MICU1: variants seen among roughly 807,000 people sequenced by gnomAD.
The protein encoded by MICU1 is mitochondrial calcium uptake 1.
A neutral mutation model predicts 56.8 loss-of-function variants in MICU1; 45 were observed. The observed-to-expected ratio is 0.79, with a 90% CI of 0.62 to 1.02. The LOEUF is 1.02. MICU1 is among the 50% of genes least tolerant of loss of function. MICU1 has a pLI of 0.00. For synonymous variants in MICU1, 186 were observed against 195.1 expected (o/e 0.95, Z 0.39); for missense variants, 504 against 587.1 (o/e 0.86, Z 1.46).
At chr10:72,596,255 G>T (rs898569891) in intron 1 of MICU1, among the ~76,000 whole-genome samples, 2 of 152,128 alleles carry the variant, frequency 1.3e-5, no homozygotes, top group Non-Finnish European at 2.9e-5. Context: ...GATTACAGGC[G>T]TGAGCCACTG....
chr10:72,607,176 T>G (rs1403519423), intron 1 of MICU1, among the ~76,000 whole-genome samples: 1 of 146,712 alleles, frequency 6.8e-6, no homozygotes, highest in Non-Finnish European at 1.5e-5. Flanking sequence ...CCCTGTCTCT[T>G]CTAAAAATAC....
intron 5 of MICU1, among the ~76,000 whole-genome samples, chr10:72,512,272 G>A (rs1867494106): frequency 6.6e-6 from 1 of 151,688 alleles, no homozygotes. Flanking sequence ...CACCACGTCT[G>A]GCTAATTTTT....
intron 6 of MICU1, among the ~76,000 whole-genome samples, chr10:72,493,893 G>T (rs1258887389): frequency 1.3e-5 from 2 of 152,156 alleles, no homozygotes; most frequent in Admixed American, 6.6e-5. Flanking sequence ...CGCTGAAAAG[G>T]TTTTGCCAAT....
chr10:72,429,441 A>T (rs1864455632), intron 8 of MICU1, among the ~76,000 whole-genome samples: 1 of 151,920 alleles, frequency 6.6e-6, no homozygotes, highest in East Asian at 1.9e-4. Flanking sequence ...AAAAAGAAAA[A>T]AAATTCAATA....
intron 8 of MICU1, among the ~76,000 whole-genome samples, chr10:72,458,066 C>G (rs556107272): frequency 6.6e-6 from 1 of 151,670 alleles, no homozygotes; most frequent in East Asian, 1.9e-4. Context: ...ACTCAGGAGG[C>G]TGAGGCAGGA....
intron 9 of MICU1, among the ~76,000 whole-genome samples, chr10:72,409,710 A>G (rs1255160679): frequency 6.6e-6 from 1 of 152,122 alleles, no homozygotes; most frequent in East Asian, 1.9e-4. Flanking sequence ...ACACAACAAA[A>G]AAGACTGTAT....
At chr10:72,592,876 G>A (rs1240955305) in intron 1 of MICU1, among the ~76,000 whole-genome samples, 7 of 150,168 alleles carry the variant, frequency 4.7e-5, no homozygotes, top group Middle Eastern at 6.8e-3. Flanking sequence ...TCTGCCTCCC[G>A]GGTTCAAGCG....
chr10:72,376,012 T>C (rs985583360), intron 10 of MICU1, 140 bp from the exon 11 acceptor site: 2 of 799,798 alleles, frequency 2.5e-6, no homozygotes, highest in Middle Eastern at 2.4e-4. Flanking sequence ...TAAGTTAGGC[T>C]GGCCACAGTG....
At chr10:72,588,139 TAA>T (rs1841116163) in intron 1 of MICU1, among the ~76,000 whole-genome samples, 1 of 152,126 alleles carries the variant, frequency 6.6e-6, no homozygotes. Context: ...TCTGGCTGTT[TAA>T]AAGTGTGTAG....
intron 10 of MICU1, among the ~76,000 whole-genome samples, chr10:72,376,173 G>A (rs1044156357): frequency 6.6e-6 from 1 of 152,022 alleles, no homozygotes; most frequent in Admixed American, 6.6e-5. Context: ...CAGCTACTTG[G>A]GAGGCTGAGG....
At chr10:72,396,812 A>G (rs920315579) in intron 10 of MICU1, among the ~76,000 whole-genome samples, 4 of 152,224 alleles carry the variant, frequency 2.6e-5, no homozygotes, top group African/African-American at 9.6e-5. Flanking sequence ...CATTTGATTG[A>G]TGTACCTGAA....
chr10:72,510,713 A>T (rs1867417610), intron 5 of MICU1, among the ~76,000 whole-genome samples: 1 of 151,760 alleles, frequency 6.6e-6, no homozygotes, highest in African/African-American at 2.4e-5. Flanking sequence ...GCGTGATCTC[A>T]GCTCACTGCA....
chr10:72,481,681 G>T lies in MICU1; in HGVS notation c.653-4425C>A, dbSNP rs1471937604. 2.6e-5 allele frequency among the ~76,000 whole-genome samples: 4 copies of T among 152,130 alleles called. No individual in the cohort carries two copies. The East Asian group carries it at 7.7e-4, about 29-fold the overall frequency. On this transcript the variant is annotated intron_variant, in intron 6 of 11. Transcript: ENST00000361114. ...CCCGCCTTGGCCTCCCAAAGTGTCGGGATTACAGGCGTGAGCCACAGCGCC... is the reference window on the plus strand; with the variant it reads ...CCCGCCTTGGCCTCCCAAAGTGTCGTGATTACAGGCGTGAGCCACAGCGCC...
intron 5 of MICU1, among the ~76,000 whole-genome samples, chr10:72,524,309 C>T (rs1480859664): frequency 6.6e-6 from 1 of 152,114 alleles, no homozygotes; most frequent in Non-Finnish European, 1.5e-5. Flanking sequence ...CTATGTTGCT[C>T]AGGCTGGTCT....
In MICU1 at chr10:72,551,010, G is replaced by C. The variant is rs189047813; in HGVS notation, c.493+169C>G. The stretch of plus-strand genomic sequence containing the variant: ...TGCAGATTGCCACATTAGACTGCAG[G>C]CTTCTCTTTTGTACTCCTAAAGCCT... On this transcript the variant is annotated intron_variant, in intron 4 of 11. Coordinates refer to ENST00000361114, the MANE Select transcript of MICU1 (RefSeq NM_001195518.2). 7.2e-5 allele frequency among the ~76,000 whole-genome samples: 11 copies of C among 152,216 alleles called. No homozygotes were observed. In the East Asian group the frequency reaches 1.9e-3, roughly 27 times the overall value.
At chr10:72,566,133 T>C (rs2132474581) in intron 2 of MICU1, among the ~76,000 whole-genome samples, 1 of 136,092 alleles carries the variant, frequency 7.3e-6, no homozygotes, top group African/African-American at 2.7e-5. Context: ...AACCTCCACC[T>C]GCCTCCCAGG....
intron 7 of MICU1, chr10:72,475,877 A>T: frequency 2.2e-6 from 1 of 456,682 alleles, no homozygotes; most frequent in South Asian, 1.5e-5. Context: ...TATAATTGGG[A>T]TCCTCTTAGA....
In MICU1 at chr10:72,489,323, CAA is replaced by C. The variant is rs1554879963; in HGVS notation, c.653-12069_653-12068del. 2.2e-3 allele frequency among the ~76,000 whole-genome samples: 252 copies of C among 116,282 alleles called. 1 individual carries two copies. Among genetic ancestry groups the C allele is most frequent in the Middle Eastern group, 8.3e-3 (2 of 240 alleles). The allele number at this position is 116,282 out of a possible 152,430, so 76.3% of individuals were successfully genotyped here. ...ACACACACACACACACACACACACA[CAA>C]AAATAAAAAAAAAAGGAACTAACTT... On this transcript the variant is annotated intron_variant, in intron 6 of 11. Transcript: ENST00000361114.
At chr10:72,490,346 T>C (rs1866613778) in intron 6 of MICU1, among the ~76,000 whole-genome samples, 1 of 152,160 alleles carries the variant, frequency 6.6e-6, no homozygotes, top group Non-Finnish European at 1.5e-5. Flanking sequence ...ACACAAGATT[T>C]TGATGTCAAA....
Sources: gnomAD v4.1 joint callset for allele counts (sites outside exome capture counted in the v4.1 genomes callset) on GRCh38, gnomAD v4.1.1 for gene constraint, MANE v1.5 for transcripts, NCBI Gene and HGNC (gene_info 2026-07-23, HGNC 2026-07-21) for gene names.